The following DHX8 variants were observed in gnomAD, a reference collection of about 807,000 sequenced individuals.
DHX8 encodes ATP-dependent RNA helicase DHX8.
DHX8 carries 67 observed loss-of-function variants against 140.7 expected under a neutral mutation model. The ratio of observed to expected loss-of-function variants is 0.48; its 90% CI spans 0.39 to 0.58. The LOEUF (loss-of-function observed/expected upper bound fraction) is 0.58. Ranked by LOEUF, DHX8 falls within the 20% of genes least tolerant of loss-of-function variation. The probability of loss-of-function intolerance (pLI) is 0.00; values close to 1 mark genes in which losing one functional copy is unlikely to be tolerated. For missense variants in DHX8, 887 were observed against 1,550.7 expected, an observed-to-expected ratio of 0.57 and a Z score of 7.19; for synonymous variants, 533 against 553.2, an observed-to-expected ratio of 0.96 and a Z score of 0.51.
Position 43,524,318 on chromosome 17 carries a change from A to C in DHX8, c.*471A>C, listed in dbSNP as rs541892325. ...AAATATTTATTTTCTTAAGGAAACAAAAATGGTTTTCTGTGACTGTTTTCT... is the reference window on the plus strand; with the variant it reads ...AAATATTTATTTTCTTAAGGAAACACAAATGGTTTTCTGTGACTGTTTTCT... On this transcript the variant is annotated 3_prime_UTR_variant, in exon 23 of 23. Transcript: ENST00000262415. 8.0e-6 allele frequency: 8 copies of C among 1,004,676 alleles called. No individual in the cohort carries two copies. In the East Asian group the frequency reaches 8.3e-4, roughly 104 times the overall value. The allele number at this position is 1,004,676 out of a possible 1,614,324, so 62.2% of individuals were successfully genotyped here. A position where few individuals can be genotyped will look rare whatever the true frequency, so the allele number is the denominator to read the frequency against.
At chr17:43,518,399 G>A (rs1328059503) in intron 18 of DHX8, 1 of 152,114 alleles carries the variant, frequency 6.6e-6, no homozygotes, top group Non-Finnish European at 1.5e-5. Context: ...TGCCAGGCAT[G>A]TAGATTGCAC....
rs1429043331 is a variant in DHX8 at position 43,525,581 on chromosome 17, C to T, written c.*1734C>T. On this transcript the variant is annotated 3_prime_UTR_variant, in exon 23 of 23. Transcript: ENST00000262415. ...TTCTGGGGAGAGACAGTACAGGGAC[C>T]TCAAATGAAACCAAAGGGGAAACGG... The T allele has an allele frequency of 3.0e-6, 3 of 985,388 alleles. No homozygotes were observed. In the African/African-American group the frequency reaches 5.2e-5, roughly 17 times the overall value. The allele number at this position is 985,388 out of a possible 1,614,324, so 61.0% of individuals were successfully genotyped here. A position where few individuals can be genotyped will look rare whatever the true frequency, so the allele number is the denominator to read the frequency against.
chr17:43,526,388 ACCGTCCCTATGGG>A, downstream of DHX8: 6 of 1,506,860 alleles, frequency 4.0e-6, no homozygotes, highest in Non-Finnish European at 5.3e-6. Context: ...ATATGGCAGG[ACCGTCCCTATGGG>A]GCATGTGTGA....
At chr17:43,536,317 C>T in intron 2 of DHX8, 1 of 960,348 alleles carries the variant, frequency 1.0e-6, no homozygotes, top group South Asian at 1.4e-5. Flanking sequence ...GATCAAACCC[C>T]ACTGTGTTTT....
chr17:43,511,839 C>T (rs1288105862), intron 16 of DHX8, among the ~76,000 whole-genome samples: 3 of 137,950 alleles, frequency 2.2e-5, no homozygotes, highest in Non-Finnish European at 4.7e-5. Flanking sequence ...CATGGTGAGA[C>T]CCCTATCTCT....
At chr17:43,519,963 T>C (rs552078699) in intron 18 of DHX8, 167 bp from the exon 19 acceptor site, 1 of 652,788 alleles carries the variant, frequency 1.5e-6, no homozygotes, top group East Asian at 2.7e-5. Context: ...TCTATTATAA[T>C]AGTCTGAGTT....
downstream of DHX8, among the ~76,000 whole-genome samples, chr17:43,527,397 A>C (rs529240638): frequency 4.7e-4 from 71 of 152,292 alleles, no homozygotes; most frequent in African/African-American, 1.7e-3. Flanking sequence ...GGTAGGAGGG[A>C]GGACATGCAA....
In DHX8 at chr17:43,534,720, A is replaced by G. The variant is rs969629091; in HGVS notation, c.351-1692A>G. Among the ~76,000 whole-genome samples, 3 of 151,958 alleles carry G rather than the reference A, an allele frequency of 2.0e-5. No homozygotes were observed. The South Asian group carries it at 6.2e-4, about 32-fold the overall frequency. On this transcript the variant is annotated intron_variant, in intron 2 of 3. Transcript: ENST00000589898. ...TTTGGGAGGCCGAGGCGGGCGGATC[A>G]CCTGAAGTCAGAAGTTCAAGACCAG...
chr17:43,511,456 A>ATTTTTTGTTTTTTTTTTTTT (rs1969823099), intron 16 of DHX8, among the ~76,000 whole-genome samples: 1 of 56,790 alleles, frequency 1.8e-5, no homozygotes, highest in Non-Finnish European at 2.9e-5. Flanking sequence ...TGATCCCAGC[A>ATTTTTTGTTTTTTTTTTTTT]TTTTTTTTTT....
At position 43,517,276 on chromosome 17, in the gene DHX8, C is replaced by G; in HGVS notation, c.2753C>G (p.Pro918Arg). The G allele has an allele frequency of 6.2e-7, 1 of 1,613,962 alleles. No homozygotes were observed. The highest frequency in any genetic ancestry group is 1.3e-5 in the African/African-American group (1 of 74,990). ...GATGAAATGCTGACCACCAACGTGC[C>G]GGAAATCCAGAGAACCAACTTAGCA... The part of the protein sequence containing the change: ...YRDEMLTTNV[P>R]EIQRTNLAST... The change falls in exon 18 of 23, where the codon CCG (proline) becomes CGG (arginine). Residue 918 changes from proline (P) to arginine (R), a missense_variant. Around this residue, in one of 9 missense-constraint regions of DHX8, gnomAD observed 151 missense variants for 388.3 expected, o/e 0.39. Transcript: ENST00000262415.
At chr17:43,512,053 G>C (rs944014936) in intron 16 of DHX8, among the ~76,000 whole-genome samples, 1 of 151,922 alleles carries the variant, frequency 6.6e-6, no homozygotes, top group Non-Finnish European at 1.5e-5. Context: ...TTGTGTGGAC[G>C]TATGTTTTCA....
intron 3 of DHX8, among the ~76,000 whole-genome samples, chr17:43,542,255 C>T (rs886387992): frequency 6.6e-6 from 1 of 152,054 alleles, no homozygotes; most frequent in African/African-American, 2.4e-5. Context: ...GGTGCACTTC[C>T]AGCAATTTTA....
downstream of DHX8, chr17:43,526,837 T>A: frequency 1.9e-6 from 1 of 521,884 alleles, no homozygotes; most frequent in Non-Finnish European, 3.0e-6. Flanking sequence ...GTCAGTACAT[T>A]GATATTTTGT....
At chr17:43,487,347 C>T (rs1968226644) in intron 1 of DHX8, among the ~76,000 whole-genome samples, 2 of 152,180 alleles carry the variant, frequency 1.3e-5, no homozygotes, top group Admixed American at 1.3e-4. Flanking sequence ...GGTAGTACTA[C>T]TTTATGAGTT....
At chr17:43,508,638 T>C (rs1969619745) in intron 16 of DHX8, 118 bp downstream of exon 16, 1 of 627,792 alleles carries the variant, frequency 1.6e-6, no homozygotes, top group Non-Finnish European at 2.6e-6. Context: ...TTTTTTTTCC[T>C]CGAGGCAGAG....
At position 43,521,661 on chromosome 17, in the gene DHX8, CT is replaced by C. The variant is rs1327899515; in HGVS notation, c.3263+100del. 5.1e-6 allele frequency: 6 copies of C among 1,186,434 alleles called. No individual in the cohort carries two copies. In the African/African-American group the frequency reaches 7.7e-5, roughly 15 times the overall value. 73.5% of individuals were successfully genotyped at this position (1,186,434 alleles called of 1,614,324 possible). Reference sequence around the variant, plus strand: ...TGTGTACCTATAAAGCTATAGGCACCTTTTCTCTTGCTCCTCACATAACCCT... The same window carrying C: ...TGTGTACCTATAAAGCTATAGGCACCTTTCTCTTGCTCCTCACATAACCCT... On this transcript the variant is annotated intron_variant, in intron 21 of 22. Coordinates refer to ENST00000262415, the MANE Select transcript of DHX8 (RefSeq NM_004941.3).
chr17:43,528,953 TAC>T (rs1488080420), downstream of DHX8, among the ~76,000 whole-genome samples: 3 of 152,298 alleles, frequency 2.0e-5, no homozygotes, highest in East Asian at 3.9e-4. Context: ...GCTTCTCAGT[TAC>T]AGTGTTGCAC....
At chr17:43,490,292 G>A (rs1968429331) in intron 2 of DHX8, 99 bp from the exon 3 acceptor site, 1 of 864,972 alleles carries the variant, frequency 1.2e-6, no homozygotes, top group Admixed American at 2.2e-5. Context: ...AAATTCAAGT[G>A]CGTAACCACC....
At chr17:43,523,271 T>C (rs1217157002) in intron 22 of DHX8, among the ~76,000 whole-genome samples, 1 of 152,174 alleles carries the variant, frequency 6.6e-6, no homozygotes, top group Non-Finnish European at 1.5e-5. Context: ...TGTGGCAGTG[T>C]GAGGCCCCTC....
Sources: gnomAD v4.1 joint callset for allele counts (sites outside exome capture counted in the v4.1 genomes callset) on GRCh38, gnomAD v4.1.1 for gene constraint, gnomAD v4.1.1 regional missense constraint, MANE v1.5 for transcripts, NCBI Gene and HGNC (gene_info 2026-07-23, HGNC 2026-07-21) for gene names.